Variants in TNKS observed in about 807,000 individuals in gnomAD.
TNKS encodes tankyrase.
TNKS carries 72 observed loss-of-function variants against 135.8 expected under a neutral mutation model. The observed-to-expected ratio is 0.53, with a 90% CI of 0.44 to 0.64. The LOEUF (loss-of-function observed/expected upper bound fraction) is 0.64, where lower values mean the gene tolerates loss of function less well. TNKS is among the 30% of genes least tolerant of loss of function. The probability of loss-of-function intolerance (pLI) is 0.00; values close to 1 mark genes in which losing one functional copy is unlikely to be tolerated. For synonymous variants in TNKS, 849 were observed against 649.3 expected (o/e 1.31, Z -4.68); for missense variants, 1,769 against 1,674.0 (o/e 1.06, Z -0.99).
At chr8:9,671,296 C>T (rs983368637) in intron 3 of TNKS, 1 of 152,052 alleles carries the variant, frequency 6.6e-6, no homozygotes, top group Non-Finnish European at 1.5e-5. Flanking sequence ...AAAATACTCT[C>T]TGTAAATGTT....
At position 9,602,217 on chromosome 8, in the gene TNKS, T is replaced by C. The variant is rs1191284009; in HGVS notation, c.899-13365T>C. Among the ~76,000 whole-genome samples, 5 of 152,140 alleles carry C rather than the reference T, an allele frequency of 3.3e-5. No individual in the cohort carries two copies. The East Asian group carries it at 9.6e-4, about 29-fold the overall frequency. ...GCCTGACTACTTAGGCTGTTAAAGATGCAACAAGCCACTTGTAGGTTTAGC... is the reference window on the plus strand; with the variant it reads ...GCCTGACTACTTAGGCTGTTAAAGACGCAACAAGCCACTTGTAGGTTTAGC... On this transcript the variant is annotated intron_variant, in intron 2 of 26. Transcript: ENST00000310430.
chr8:9,768,209 T>C (rs1232898283), intron 25 of TNKS, among the ~76,000 whole-genome samples: 1 of 152,108 alleles, frequency 6.6e-6, no homozygotes, highest in African/African-American at 2.4e-5. Context: ...GTGACTAGTA[T>C]TTGGCCAGTG....
intron 2 of TNKS, among the ~76,000 whole-genome samples, chr8:9,613,762 A>G (rs1221379910): frequency 6.6e-6 from 1 of 152,226 alleles, no homozygotes; most frequent in East Asian, 1.9e-4. Flanking sequence ...TCTATTGCAA[A>G]ATGGGCAACA....
rs73537933 is a variant in TNKS at position 9,600,843 on chromosome 8, T to A, written c.899-14739T>A. ...TAAAACCCTGGAATTTTTGAAATAATCCCTTCACTATTTTACTCAATTTGT... is the reference window on the plus strand; with the variant it reads ...TAAAACCCTGGAATTTTTGAAATAAACCCTTCACTATTTTACTCAATTTGT... On this transcript the variant is annotated intron_variant, in intron 2 of 26. Transcript: ENST00000310430. Among the ~76,000 whole-genome samples the A allele has an allele frequency of 2.8e-3, 429 of 152,272 alleles. 2 individuals are homozygous for A. Among genetic ancestry groups the A allele is most frequent in the African/African-American group, 9.5e-3 (395 of 41,560 alleles).
chr8:9,577,965 A>T (rs946678884), intron 1 of TNKS, among the ~76,000 whole-genome samples: 4 of 152,198 alleles, frequency 2.6e-5, no homozygotes, highest in African/African-American at 9.6e-5. Flanking sequence ...GGAGAAATCA[A>T]CCAAAACAAA....
chr8:9,775,625 A>C (rs1808192360), intron 26 of TNKS, among the ~76,000 whole-genome samples: 1 of 151,348 alleles, frequency 6.6e-6, no homozygotes, highest in South Asian at 2.1e-4. Flanking sequence ...ATAGATCCTT[A>C]CTATGCCAGA....
intron 17 of TNKS, among the ~76,000 whole-genome samples, chr8:9,738,959 G>A (rs193225730): frequency 1.3e-5 from 2 of 151,678 alleles, no homozygotes; most frequent in East Asian, 3.9e-4. Context: ...TATCCTTGTT[G>A]ACTTTCTGTC....
At chr8:9,625,299 G>C (rs1800016634) in intron 3 of TNKS, among the ~76,000 whole-genome samples, 1 of 151,664 alleles carries the variant, frequency 6.6e-6, no homozygotes, top group South Asian at 2.1e-4. Context: ...GGTAATTTGT[G>C]TTTTCTCCTT....
chr8:9,597,278 A>G (rs1421578141), intron 2 of TNKS, among the ~76,000 whole-genome samples: 2 of 152,240 alleles, frequency 1.3e-5, no homozygotes, highest in African/African-American at 4.8e-5. Context: ...GTAGAGTCTC[A>G]GTAAATACTT....
At chr8:9,643,253 TAAAGA>T (rs1800787095) in intron 3 of TNKS, among the ~76,000 whole-genome samples, 1 of 146,022 alleles carries the variant, frequency 6.8e-6, no homozygotes, top group Admixed American at 7.2e-5. Context: ...GGGTGATTTA[TAAAGA>T]AAAGAAGTTT....
At chr8:9,712,513 C>G (rs1804388876) in intron 11 of TNKS, among the ~76,000 whole-genome samples, 1 of 152,110 alleles carries the variant, frequency 6.6e-6, no homozygotes, top group African/African-American at 2.4e-5. Flanking sequence ...AAATTAAACC[C>G]TCAAATTCCT....
At chr8:9,615,556 A>G (rs747381143) in intron 2 of TNKS, 26 bp from the exon 3 acceptor site, 3 of 1,593,004 alleles carry the variant, frequency 1.9e-6, no homozygotes, top group East Asian at 2.3e-5. Context: ...CCGAGGTAAG[A>G]TACTGTTTCT....
chr8:9,622,917 C>T (rs1429242669), intron 3 of TNKS, among the ~76,000 whole-genome samples: 1 of 152,140 alleles, frequency 6.6e-6, no homozygotes, highest in Non-Finnish European at 1.5e-5. Flanking sequence ...CCTGTACAGA[C>T]TATGGTTTTT....
chr8:9,670,332 A>C (rs1802218809), intron 3 of TNKS: 1 of 152,230 alleles, frequency 6.6e-6, no homozygotes, highest in Admixed American at 6.5e-5. Context: ...AGCAGGAGAA[A>C]TGGAAGGTGG....
chr8:9,680,081 T>C, intron 4 of TNKS, 94 bp downstream of exon 4: 1 of 893,564 alleles, frequency 1.1e-6, no homozygotes, highest in Non-Finnish European at 1.9e-6. Context: ...AACGTTATTG[T>C]CTTGCTTGGA....
At chr8:9,606,505 C>T (rs1014476554) in intron 2 of TNKS, among the ~76,000 whole-genome samples, 1 of 152,030 alleles carries the variant, frequency 6.6e-6, no homozygotes. Context: ...TAGTGTGAGT[C>T]CTTCAACTTT....
chr8:9,680,644 C>G, intron 4 of TNKS, 81 bp from the exon 5 acceptor site: 1 of 921,540 alleles, frequency 1.1e-6, no homozygotes, highest in Non-Finnish European at 1.7e-6. Flanking sequence ...CCATATTTTA[C>G]TCTCGTGTGA....
In TNKS at chr8:9,780,256, G is replaced by C. The variant is rs1808401874; in HGVS notation, c.*3520G>C. Reference sequence around the variant, plus strand: ...CCTGTAAATGGCCTTGCAAACAGAAGTGGTGTGTATTTTCAAGCACCTTTC... The same window carrying C: ...CCTGTAAATGGCCTTGCAAACAGAACTGGTGTGTATTTTCAAGCACCTTTC... On this transcript the variant is annotated 3_prime_UTR_variant, in exon 27 of 27. Transcript: ENST00000310430. 6.6e-6 allele frequency: 1 copy of C among 150,844 alleles called. No individual in the cohort carries two copies. The highest frequency in any genetic ancestry group is 2.0e-4 in the East Asian group (1 of 5,096). The allele number at this position is 150,844 out of a possible 1,614,324, so 9.3% of individuals were successfully genotyped here.
At chr8:9,731,880 C>G (rs933190127) in intron 14 of TNKS, among the ~76,000 whole-genome samples, 1 of 151,756 alleles carries the variant, frequency 6.6e-6, no homozygotes, top group Admixed American at 6.6e-5. Flanking sequence ...CTCTGCCTCC[C>G]AGGTTCACGC....
Sources: gnomAD v4.1 joint callset for allele counts (sites outside exome capture counted in the v4.1 genomes callset) on GRCh38, gnomAD v4.1.1 for gene constraint, MANE v1.5 for transcripts, NCBI Gene and HGNC (gene_info 2026-07-23, HGNC 2026-07-21) for gene names.